BRD8: variants seen among roughly 807,000 people sequenced by gnomAD.
BRD8 encodes the protein bromodomain containing 8.
BRD8 carries 67 observed loss-of-function variants against 143.1 expected under a neutral mutation model. That is an observed-to-expected ratio of 0.47 (90% CI 0.38 to 0.57). The LOEUF is 0.57. Ranked by LOEUF, BRD8 falls within the 20% of genes least tolerant of loss-of-function variation. BRD8 has a pLI of 0.00. For missense variants in BRD8, 1,103 were observed against 1,503.0 expected, an observed-to-expected ratio of 0.73 and a Z score of 4.40; for synonymous variants, 505 against 517.1, an observed-to-expected ratio of 0.98 and a Z score of 0.32.
chr5:138,160,313 T>C (rs1581428026), intron 18 of BRD8, 140 bp from the exon 19 acceptor site: 1 of 629,198 alleles, frequency 1.6e-6, no homozygotes, highest in East Asian at 2.9e-5. Context: ...AAGTTTAGCA[T>C]ATTAAGTTTT....
intron 20 of BRD8, among the ~76,000 whole-genome samples, chr5:138,159,087 A>G (rs1450191015): frequency 1.3e-5 from 2 of 152,154 alleles, no homozygotes; most frequent in Admixed American, 6.5e-5. Context: ...CACCACACCC[A>G]GCCTATACTG....
At chr5:138,146,999 G>A (rs1409382253) in intron 23 of BRD8, among the ~76,000 whole-genome samples, 12 of 146,704 alleles carry the variant, frequency 8.2e-5, no homozygotes, top group Non-Finnish European at 1.3e-4. Flanking sequence ...AAAAGTCTCA[G>A]ATTGCAGATT....
In BRD8 at chr5:138,171,086, C is replaced by T; in HGVS notation, c.311G>A (p.Arg104Gln). Residue 104 changes from arginine to glutamine, a missense_variant, in exon 5 of 27, where the codon CGA becomes CAA. Arg to Gln is a conservative substitution (Grantham distance 43). Coordinates refer to ENST00000254900, the MANE Select transcript of BRD8 (RefSeq NM_139199.2). ...TATCACTTTCTTTAGTTCTTCAACT[C>T]GCTCAGCAGTCAATTTCCGAACAAT... The part of the protein sequence containing the change: ...DVIVRKLTAE[R>Q]VEELKKVIKE... 6 of 1,613,924 alleles carry T rather than the reference C, an allele frequency of 3.7e-6. No homozygotes were observed. The highest frequency in any genetic ancestry group is 5.1e-6 in the Non-Finnish European group (6 of 1,179,932).
chr5:138,159,456 G>T, intron 20 of BRD8, 99 bp downstream of exon 20: 1 of 1,267,418 alleles, frequency 7.9e-7, no homozygotes, highest in Non-Finnish European at 1.2e-6. Flanking sequence ...TCAAGACACT[G>T]CCACAGTCTG....
chr5:138,170,752 G>T, intron 6 of BRD8, 80 bp downstream of exon 6: 1 of 1,304,260 alleles, frequency 7.7e-7, no homozygotes, highest in Non-Finnish European at 1.1e-6. Context: ...GACGGCAATT[G>T]GAGGAAATAA....
chr5:138,152,593 G>A lies in BRD8; in HGVS notation c.2745C>T (p.Ser915=). 6.2e-7 allele frequency: 1 copy of A among 1,614,182 alleles called. No homozygotes were observed. Among genetic ancestry groups the A allele is most frequent in the Non-Finnish European group, 8.5e-7 (1 of 1,180,040 alleles). The change falls in exon 21 of 27, where the codon AGC becomes AGT. Residue 915 remains serine (S), a synonymous_variant. Transcript: ENST00000254900. The stretch of plus-strand genomic sequence containing the variant: ...GTTCACTAGGTTCTCTCTCCGGGCT[G>A]CTTTCCTCTAGTTCCTCAGCCTCTG... The part of the protein sequence containing the change: ...EDPEAEELEE[S]SPEREPSELL...
At chr5:138,149,128 C>T (rs755275461) in intron 23 of BRD8, among the ~76,000 whole-genome samples, 1 of 151,744 alleles carries the variant, frequency 6.6e-6, no homozygotes, top group Non-Finnish European at 1.5e-5. Flanking sequence ...ATATTAGCTC[C>T]ATCACCCAGG....
chr5:138,176,914 C>A (rs1754380233), intron 2 of BRD8, among the ~76,000 whole-genome samples: 1 of 151,138 alleles, frequency 6.6e-6, no homozygotes. Context: ...ATGAAACCCC[C>A]ATCTCTACAA....
At chr5:138,169,616 G>A (rs1388070026) in intron 7 of BRD8, among the ~76,000 whole-genome samples, 1 of 152,120 alleles carries the variant, frequency 6.6e-6, no homozygotes, top group Admixed American at 6.5e-5. Flanking sequence ...CCTTGGAGTG[G>A]GAAAGTAGTT....
chr5:138,175,152 G>A (rs1024529432), intron 2 of BRD8, among the ~76,000 whole-genome samples: 6 of 152,116 alleles, frequency 3.9e-5, no homozygotes, highest in African/African-American at 1.4e-4. Flanking sequence ...CCAAAGTGCT[G>A]GGATTACAGG....
intron 23 of BRD8, 101 bp from the exon 24 acceptor site, chr5:138,145,979 T>A: frequency 1.2e-6 from 1 of 832,466 alleles, no homozygotes; most frequent in Non-Finnish European, 1.9e-6. Context: ...TGCTCCTAAT[T>A]AATATCTGAA....
chr5:138,150,745 C>T lies in BRD8; in HGVS notation c.3120G>A (p.Glu1040=). 6.2e-7 allele frequency: 1 copy of T among 1,603,690 alleles called. No individual in the cohort carries two copies. Among genetic ancestry groups the T allele is most frequent in the Non-Finnish European group, 8.5e-7 (1 of 1,176,016 alleles). ...CAGCTGATTTAAGTTACTTTCTTAC[C>T]TCTTCACTCTCTGTGAGTAGTCCCT... ...TVQGLLTESE[E]GEAQQESKGE... is the part of the protein sequence containing the mutation. The change falls in exon 22 of 27, where the codon GAG becomes GAA. Residue 1040 remains glutamate (E), a splice_region_variant and synonymous_variant. Transcript: ENST00000254900.
Position 138,140,040 on chromosome 5 carries a change from A to G in BRD8, c.*34T>C. ...TAGGTCAGAGTTCCGGGAGAGATTC[A>G]AACTCTAGAAAAAGTCAGGATAGCA... On this transcript the variant is annotated 3_prime_UTR_variant, in exon 27 of 27. Coordinates refer to ENST00000254900, the MANE Select transcript of BRD8 (RefSeq NM_139199.2). The G allele has an allele frequency of 6.5e-7, 1 of 1,536,232 alleles. No individual in the cohort carries two copies. The highest frequency in any genetic ancestry group is 9.0e-7 in the Non-Finnish European group (1 of 1,109,084).
chr5:138,175,545 AAC>A (rs1038043426), intron 2 of BRD8, among the ~76,000 whole-genome samples: 9 of 150,194 alleles, frequency 6.0e-5, no homozygotes, highest in African/African-American at 9.8e-5. Flanking sequence ...AGTGACAAAA[AAC>A]ACAAAAAATT....
At chr5:138,144,919 AT>A (rs375446548) in intron 25 of BRD8, among the ~76,000 whole-genome samples, 1,024 of 100,252 alleles carry the variant, frequency 0.01, 14 homozygotes, top group Middle Eastern at 0.034. Context: ...AAAAAAAAAA[AT>A]ATATATATAT....
At chr5:138,164,039 G>C in intron 14 of BRD8, 48 bp downstream of exon 14, 3 of 1,575,038 alleles carry the variant, frequency 1.9e-6, no homozygotes, top group Non-Finnish European at 2.6e-6. Flanking sequence ...TAGTGCTATA[G>C]GGAAATCTAA....
At position 138,149,617 on chromosome 5, in the gene BRD8, C is replaced by A. The variant is rs774489025; in HGVS notation, c.3278+23G>T. On this transcript the variant is annotated intron_variant, in intron 23 of 26. Coordinates refer to ENST00000254900, the MANE Select transcript of BRD8 (RefSeq NM_139199.2). ...AAACAGAAGTACGAATCTTAACAAA[C>A]TTGGATGAAAGTCTACGCTTACAGC... is the stretch of plus-strand genomic sequence containing the variant. 1.1e-5 allele frequency: 17 copies of A among 1,553,354 alleles called. No individual in the cohort carries two copies. In the African/African-American group the frequency reaches 2.3e-4, roughly 21 times the overall value.
At chr5:138,164,466 C>T in intron 12 of BRD8, 53 bp from the exon 13 acceptor site, 1 of 1,525,724 alleles carries the variant, frequency 6.6e-7, no homozygotes, top group Non-Finnish European at 9.1e-7. Context: ...CGCTATAGCT[C>T]ACACAACTTT....
intron 1 of BRD8, 57 bp downstream of exon 1, chr5:138,178,538 TG>T: frequency 6.6e-7 from 1 of 1,517,772 alleles, no homozygotes; most frequent in Non-Finnish European, 9.2e-7. Flanking sequence ...AACAAAAATA[TG>T]GTGCCTAGCC....
Sources: gnomAD v4.1 joint callset for allele counts (sites outside exome capture counted in the v4.1 genomes callset) on GRCh38, gnomAD v4.1.1 for gene constraint, MANE v1.5 for transcripts, NCBI Gene and HGNC (gene_info 2026-07-23, HGNC 2026-07-21) for gene names.